DLGAP1: variants seen among roughly 807,000 people sequenced by gnomAD.
DLGAP1 encodes DLG associated protein 1, also known as disks large-associated protein 1.
DLGAP1 carries 11 observed loss-of-function variants against 90.8 expected under a neutral mutation model. That is an observed-to-expected ratio of 0.12 (90% CI 0.08 to 0.20). The LOEUF (loss-of-function observed/expected upper bound fraction) is 0.20, where lower values mean the gene tolerates loss of function less well. Among genes scored for constraint, DLGAP1 ranks in the 10% least tolerant of loss-of-function variants. The pLI is 1.00. For missense variants in DLGAP1, 1,050 were observed against 1,333.8 expected (o/e 0.79, Z 3.31); for synonymous variants, 558 against 540.7 (o/e 1.03, Z -0.44).
intron 3 of DLGAP1, among the ~76,000 whole-genome samples, chr18:3,901,941 A>T (rs2071793155): frequency 6.6e-6 from 1 of 152,270 alleles, no homozygotes; most frequent in Admixed American, 6.5e-5. Context: ...TTTTCTTCTC[A>T]CACTTTGCAA....
intron 6 of DLGAP1, among the ~76,000 whole-genome samples, chr18:3,735,650 A>G (rs1442231706): frequency 6.6e-6 from 1 of 152,218 alleles, no homozygotes; most frequent in Non-Finnish European, 1.5e-5. Context: ...TCTGAGACTG[A>G]GATTCATAAA....
intron 7 of DLGAP1, among the ~76,000 whole-genome samples, chr18:3,716,795 A>G (rs889898439): frequency 1.3e-5 from 2 of 151,946 alleles, no homozygotes; most frequent in African/African-American, 4.8e-5. Flanking sequence ...TTAATATAAT[A>G]CCAAAGTCCT....
At chr18:3,772,358 T>C (rs865974188) in intron 5 of DLGAP1, among the ~76,000 whole-genome samples, 10 of 4,416 alleles carry the variant, frequency 2.3e-3, no homozygotes, top group Non-Finnish European at 5.7e-3. Flanking sequence ...CTTTCTTTCT[T>C]TCTTTCTTTC....
intron 5 of DLGAP1, among the ~76,000 whole-genome samples, chr18:3,745,969 G>T (rs1366669394): frequency 6.6e-6 from 1 of 152,188 alleles, no homozygotes; most frequent in Non-Finnish European, 1.5e-5. Flanking sequence ...GATTACAGGA[G>T]TGTGCCACCA....
At chr18:3,682,133 A>AAAT (rs1567956124) in intron 7 of DLGAP1, among the ~76,000 whole-genome samples, 2 of 113,782 alleles carry the variant, frequency 1.8e-5, no homozygotes, top group Admixed American at 7.9e-5. Flanking sequence ...AAAAAAAATA[A>AAAT]AAAAAAATAA....
intron 1 of DLGAP1, among the ~76,000 whole-genome samples, chr18:4,255,760 C>A (rs1338092455): frequency 6.6e-5 from 10 of 152,008 alleles, no homozygotes; most frequent in Admixed American, 6.6e-4. Flanking sequence ...AAAAACTATA[C>A]TTTTCCCCAA....
rs575918571 is a variant in DLGAP1 at position 3,923,440 on chromosome 18, A to G, written c.-72-43300T>C. 1.8e-4 allele frequency among the ~76,000 whole-genome samples: 27 copies of G among 152,228 alleles called. 1 individual carries two copies. In the South Asian group the frequency reaches 5.4e-3, roughly 30 times the overall value. On this transcript the variant is annotated intron_variant, in intron 3 of 12. Coordinates refer to ENST00000315677, the MANE Select transcript of DLGAP1 (RefSeq NM_004746.4). ...ACTTCTGCTCTTTTTCATTAAATTA[A>G]AATTTTTATTTGTAAAAATTCATTG... is the stretch of plus-strand genomic sequence containing the variant.
chr18:4,117,329 A>G (rs542186341), intron 2 of DLGAP1, among the ~76,000 whole-genome samples: 3 of 152,132 alleles, frequency 2.0e-5, no homozygotes, highest in Non-Finnish European at 2.9e-5. Flanking sequence ...ACATTTTCCT[A>G]TTTCTTTGCA....
intron 2 of DLGAP1, among the ~76,000 whole-genome samples, chr18:4,005,602 G>A (rs2074284612): frequency 6.6e-6 from 1 of 152,102 alleles, no homozygotes; most frequent in Non-Finnish European, 1.5e-5. Context: ...GCCCACCCTC[G>A]GGAGTTCACA....
At chr18:3,803,387 A>G (rs944047116) in intron 5 of DLGAP1, among the ~76,000 whole-genome samples, 1 of 152,154 alleles carries the variant, frequency 6.6e-6, no homozygotes, top group Admixed American at 6.5e-5. Flanking sequence ...CTCTGAAGGC[A>G]CAAACCCCAG....
At chr18:3,705,772 C>T (rs2061412917) in intron 7 of DLGAP1, among the ~76,000 whole-genome samples, 2 of 151,690 alleles carry the variant, frequency 1.3e-5, no homozygotes, top group Admixed American at 6.6e-5. Context: ...GATTCTCCTG[C>T]CTTAGCCTCC....
chr18:3,895,051 A>G (rs981674064), intron 3 of DLGAP1, among the ~76,000 whole-genome samples: 6 of 152,144 alleles, frequency 3.9e-5, no homozygotes, highest in Non-Finnish European at 7.3e-5. Flanking sequence ...GCCATGTGGT[A>G]AATTCCTCTC....
chr18:4,358,058 G>A (rs183811985), intron 1 of DLGAP1, among the ~76,000 whole-genome samples: 35 of 152,266 alleles, frequency 2.3e-4, no homozygotes, highest in Admixed American at 2.0e-3. Flanking sequence ...AGCATAAACC[G>A]TTCACTCAAC....
chr18:3,841,958 A>G lies in DLGAP1; in HGVS notation c.958-27685T>C, dbSNP rs1033279426. Among the ~76,000 whole-genome samples the G allele has an allele frequency of 3.2e-4, 49 of 152,184 alleles. 1 individual carries two copies. Among genetic ancestry groups the G allele is most frequent in the African/African-American group, 1.2e-3 (48 of 41,444 alleles). ...CAATCCTACCTAAGATAGAAGAAGCATGATAAGGAAATGATGGGTGCTATG... is the reference window on the plus strand; with the variant it reads ...CAATCCTACCTAAGATAGAAGAAGCGTGATAAGGAAATGATGGGTGCTATG... On this transcript the variant is annotated intron_variant, in intron 4 of 12. Coordinates refer to ENST00000315677, the MANE Select transcript of DLGAP1 (RefSeq NM_004746.4).
At chr18:3,947,929 A>G (rs142849790) in intron 3 of DLGAP1, among the ~76,000 whole-genome samples, 1 of 152,286 alleles carries the variant, frequency 6.6e-6, no homozygotes, top group East Asian at 1.9e-4. Flanking sequence ...TGTTCCAAAT[A>G]GTGGTGGTGT....
intron 3 of DLGAP1, chr18:3,983,057 T>C (rs968149671): frequency 2.6e-4 from 40 of 152,278 alleles, no homozygotes; most frequent in African/African-American, 8.7e-4. Context: ...TGCATACTTA[T>C]TAGAGGGTTC....
intron 1 of DLGAP1, among the ~76,000 whole-genome samples, chr18:4,323,682 C>T (rs2080750382): frequency 6.6e-6 from 1 of 151,908 alleles, no homozygotes; most frequent in Admixed American, 6.6e-5. Context: ...CACTTTCGGA[C>T]CATGGCAAAA....
chr18:4,163,641 TATA>T (rs1189939862), intron 1 of DLGAP1, among the ~76,000 whole-genome samples: 1 of 152,228 alleles, frequency 6.6e-6, no homozygotes, highest in Non-Finnish European at 1.5e-5. Flanking sequence ...ATTCTGTTGA[TATA>T]ATAATTAGCT....
At chr18:4,235,079 T>A (rs997327348) in intron 1 of DLGAP1, among the ~76,000 whole-genome samples, 17 of 152,136 alleles carry the variant, frequency 1.1e-4, no homozygotes, top group Non-Finnish European at 1.5e-5. Flanking sequence ...TTTCTGAGCT[T>A]ACCCACAATA....
Sources: gnomAD v4.1 joint callset for allele counts (sites outside exome capture counted in the v4.1 genomes callset) on GRCh38, gnomAD v4.1.1 for gene constraint, MANE v1.5 for transcripts, NCBI Gene and HGNC (gene_info 2026-07-23, HGNC 2026-07-21) for gene names.